The following SRGAP2 variants were observed in gnomAD, a reference collection of about 807,000 sequenced individuals.
SRGAP2 encodes SLIT-ROBO Rho GTPase activating protein 2.
SRGAP2 carries 15 observed loss-of-function variants against 57.2 expected under a neutral mutation model. That is an observed-to-expected ratio of 0.26 (90% CI 0.18 to 0.40). The LOEUF is 0.40. Among genes scored for constraint, SRGAP2 ranks in the 10% least tolerant of loss-of-function variants. The probability of loss-of-function intolerance (pLI) is 1.00; values close to 1 mark genes in which losing one functional copy is unlikely to be tolerated. For missense variants in SRGAP2, 520 were observed against 669.6 expected (o/e 0.78, Z 2.47); for synonymous variants, 249 against 248.0 (o/e 1.00, Z -0.04).
intron 16 of SRGAP2, among the ~76,000 whole-genome samples, chr1:206,439,702 A>C (rs2297540): frequency 0.012 from 1,888 of 152,178 alleles, 22 homozygotes; most frequent in South Asian, 0.026. Context: ...TGTAATAACG[A>C]GTTTGGATTT....
intron 18 of SRGAP2, 124 bp downstream of exon 18, chr1:206,446,423 G>A (rs1473754462): frequency 1.5e-6 from 1 of 684,882 alleles, no homozygotes; most frequent in African/African-American, 1.7e-5. Flanking sequence ...CTCCCAGGCT[G>A]CTAGGGTCTG....
intron 4 of SRGAP2, among the ~76,000 whole-genome samples, chr1:206,365,780 CT>C (rs781811086): frequency 6.2e-5 from 9 of 145,136 alleles, no homozygotes; most frequent in Non-Finnish European, 1.0e-4. Context: ...TTTTATTTTC[CT>C]TATTGGTTAA....
chr1:206,453,460 A>G, intron 20 of SRGAP2, 80 bp downstream of exon 20: 1 of 485,160 alleles, frequency 2.1e-6, no homozygotes, highest in Non-Finnish European at 3.8e-6. Context: ...GAGCCATAGG[A>G]CTATGAGGGA....
chr1:206,460,974 A>C (rs2103424885), intron 22 of SRGAP2, 63 bp from the exon 23 acceptor site: 1 of 659,038 alleles, frequency 1.5e-6, no homozygotes, highest in South Asian at 1.8e-5. Context: ...GTGTTGTTGA[A>C]ACCGGCTCCT....
At chr1:206,324,299 A>G (rs1295486843) in intron 3 of SRGAP2, among the ~76,000 whole-genome samples, 2 of 150,478 alleles carry the variant, frequency 1.3e-5, no homozygotes, top group East Asian at 2.0e-4. Context: ...TAAAACCTTT[A>G]TTCTCATTTT....
chr1:206,391,745 T>C (rs1463027843), intron 5 of SRGAP2, among the ~76,000 whole-genome samples: 2 of 151,342 alleles, frequency 1.3e-5, no homozygotes, highest in Admixed American at 6.6e-5. Context: ...AAACAGAAAG[T>C]TCCCACAGAG....
intron 3 of SRGAP2, among the ~76,000 whole-genome samples, chr1:206,341,570 G>A (rs1186733307): frequency 6.6e-6 from 1 of 151,598 alleles, no homozygotes; most frequent in African/African-American, 2.4e-5. Flanking sequence ...TTGATAAATA[G>A]TACTGCAAAT....
rs544353216 is a variant in SRGAP2 at position 206,454,107 on chromosome 1, G to A, written c.2360+727G>A. 4.3e-6 allele frequency: 3 copies of A among 702,436 alleles called. No individual in the cohort carries two copies. The highest frequency in any genetic ancestry group is 7.8e-6 in the Non-Finnish European group (3 of 384,908). 43.5% of individuals were successfully genotyped at this position (702,436 alleles called of 1,614,324 possible). A position where few individuals can be genotyped will look rare whatever the true frequency, so the allele number is the denominator to read the frequency against. ...CCCTCCCTTGGATACGATGCTGTCA[G>A]TGTTTTTAGTCCTTCCCTTAATATT... On this transcript the variant is annotated intron_variant, in intron 20 of 22. Coordinates refer to ENST00000573034, the MANE Select transcript of SRGAP2 (RefSeq NM_015326.5). The surrounding 1 kb of genome is among the most constrained non-coding windows in gnomAD (Gnocchi z 4.3).
rs1471348118 is a variant in SRGAP2 at position 206,353,429 on chromosome 1, T to C, written c.423+10421T>C. ...TGGGAGGCCAAGGTGGGTGGATCAC[T>C]TGAGGTCAAGAGTTTGAGACCAGCC... On this transcript the variant is annotated intron_variant, in intron 4 of 22. Transcript: ENST00000573034. Among the ~76,000 whole-genome samples the C allele has an allele frequency of 1.7e-3, 263 of 152,066 alleles. 1 individual carries two copies. The highest frequency in any genetic ancestry group is 5.8e-3 in the African/African-American group (242 of 41,472).
rs1322918875 is a variant in SRGAP2 at position 206,297,459 on chromosome 1, A to G, written c.68-5822A>G. Among the ~76,000 whole-genome samples the G allele has an allele frequency of 7.4e-5, 6 of 81,518 alleles. 3 individuals carry two copies. The highest frequency in any genetic ancestry group is 1.3e-4 in the Non-Finnish European group (6 of 46,790). The allele number at this position is 81,518 out of a possible 152,430, so 53.5% of individuals were successfully genotyped here. On this transcript the variant is annotated intron_variant, in intron 2 of 22. Transcript: ENST00000573034. Reference sequence around the variant, plus strand: ...AACATTCTCTGGAAAGGTACTAGGAATTAATATTCCTGAGATGGCTGAGGT... The same window carrying G: ...AACATTCTCTGGAAAGGTACTAGGAGTTAATATTCCTGAGATGGCTGAGGT...
Position 206,430,229 on chromosome 1 carries a change from A to G in SRGAP2, c.1555+7A>G, listed in dbSNP as rs781876659. 2.6e-6 allele frequency: 2 copies of G among 780,814 alleles called. No homozygotes were observed. The highest frequency in any genetic ancestry group is 2.4e-6 in the Non-Finnish European group (1 of 417,886). The allele number at this position is 780,814 out of a possible 1,614,324, so 48.4% of individuals were successfully genotyped here. A position where few individuals can be genotyped will look rare whatever the true frequency, so the allele number is the denominator to read the frequency against. Reference sequence around the variant, plus strand: ...CGGTTTATCAGCAGACACGGTAAGCAGGATGACAGCCTTGTCCATATTTGT... The same window carrying G: ...CGGTTTATCAGCAGACACGGTAAGCGGGATGACAGCCTTGTCCATATTTGT... On this transcript the variant is annotated splice_region_variant and intron_variant, in intron 14 of 22. Transcript: ENST00000573034.
At chr1:206,426,392 T>C (rs1660800140) in intron 13 of SRGAP2, among the ~76,000 whole-genome samples, 2 of 152,216 alleles carry the variant, frequency 1.3e-5, no homozygotes, top group Admixed American at 6.5e-5. Context: ...CTTAGGTTGC[T>C]TCCATATCTC....
intron 10 of SRGAP2, among the ~76,000 whole-genome samples, chr1:206,412,354 T>C (rs1659293943): frequency 6.6e-6 from 1 of 152,210 alleles, no homozygotes; most frequent in East Asian, 1.9e-4. Context: ...GAAGAAATTC[T>C]CAGTTTTGAT....
At chr1:206,380,316 G>A (rs2103052920) in intron 4 of SRGAP2, among the ~76,000 whole-genome samples, 1 of 146,360 alleles carries the variant, frequency 6.8e-6, no homozygotes, top group South Asian at 2.2e-4. Context: ...CTTCTGATCA[G>A]CCACTCGGCA....
intron 12 of SRGAP2, among the ~76,000 whole-genome samples, chr1:206,420,502 GT>G (rs1660200231): frequency 6.6e-6 from 1 of 152,108 alleles, no homozygotes; most frequent in Non-Finnish European, 1.5e-5. Context: ...CTGAACTCTG[GT>G]TTCCTCTTAT....
At chr1:206,442,328 T>C (rs1662380285) in intron 17 of SRGAP2, among the ~76,000 whole-genome samples, 1 of 152,250 alleles carries the variant, frequency 6.6e-6, no homozygotes, top group Non-Finnish European at 1.5e-5. Flanking sequence ...AGCGTGTTCA[T>C]GTGCAGCCTG....
chr1:206,224,404 A>G (rs1667158020), intron 2 of SRGAP2, among the ~76,000 whole-genome samples: 1 of 145,426 alleles, frequency 6.9e-6, no homozygotes, highest in Admixed American at 6.7e-5. Flanking sequence ...AAGCCTACCT[A>G]TACGAAAGTA....
At position 206,203,641 on chromosome 1, in the gene SRGAP2, T is replaced by A. The variant is rs1172149939; in HGVS notation, c.-552T>A. On this transcript the variant is annotated 5_prime_UTR_variant, in exon 1 of 23. Transcript: ENST00000573034. ...AGCCGGGGGCCTGGGACCCGTCGCG[T>A]CAGAGCCAGGTAAAGGCTCCTTCCC... 10 of 603,312 alleles carry A rather than the reference T, an allele frequency of 1.7e-5. No individual in the cohort carries two copies. Among genetic ancestry groups the A allele is most frequent in the Non-Finnish European group, 3.0e-5 (10 of 329,542 alleles). The allele number at this position is 603,312 out of a possible 1,614,324, so 37.4% of individuals were successfully genotyped here.
chr1:206,318,539 T>A (rs1673215055), intron 3 of SRGAP2, among the ~76,000 whole-genome samples: 2 of 152,376 alleles, frequency 1.3e-5, no homozygotes, highest in South Asian at 4.1e-4. Flanking sequence ...TATTAGGCCA[T>A]TTTTTGCGAT....
Sources: gnomAD v4.1 joint callset for allele counts (sites outside exome capture counted in the v4.1 genomes callset) on GRCh38, gnomAD v4.1.1 for gene constraint, Gnocchi (gnomAD v3.1) non-coding constraint, MANE v1.5 for transcripts, NCBI Gene and HGNC (gene_info 2026-07-23, HGNC 2026-07-21) for gene names.